PATJ: variants seen among roughly 807,000 people sequenced by gnomAD.
PATJ encodes inaD-like protein.
Under a neutral mutation model 224.9 loss-of-function variants are expected in PATJ, and 190 were observed. That is an observed-to-expected ratio of 0.84 (90% CI 0.75 to 0.95). PATJ has a LOEUF of 0.95. Ranked by LOEUF, PATJ falls within the 40% of genes least tolerant of loss-of-function variation. PATJ has a pLI of 0.00. For synonymous variants in PATJ, 769 were observed against 820.3 expected (o/e 0.94, Z 1.07); for missense variants, 2,121 against 2,270.3 (o/e 0.93, Z 1.34).
chr1:61,950,404 T>A (rs898741749), intron 27 of PATJ, among the ~76,000 whole-genome samples: 1 of 152,184 alleles, frequency 6.6e-6, no homozygotes, highest in African/African-American at 2.4e-5. Flanking sequence ...TCTCATTTGA[T>A]GTTCAGGGCC....
At position 61,962,772 on chromosome 1, in the gene PATJ, G is replaced by C. The variant is rs116795512; in HGVS notation, c.3671-27396G>C. On this transcript the variant is annotated intron_variant, in intron 27 of 43. Transcript: ENST00000642238. Reference sequence around the variant, plus strand: ...GACCTGGAAGTGGACATTGCACAGCGTCTGAGACCTGGGCTTCTTTCATAT... The same window carrying C: ...GACCTGGAAGTGGACATTGCACAGCCTCTGAGACCTGGGCTTCTTTCATAT... Among the ~76,000 whole-genome samples the C allele has an allele frequency of 5.3e-3, 814 of 152,294 alleles. 5 individuals carry two copies. Among genetic ancestry groups the C allele is most frequent in the Middle Eastern group, 0.027 (8 of 294 alleles).
rs529654888 is a variant in PATJ at position 61,948,505 on chromosome 1, C to A, written c.3670+20676C>A. 1.2e-4 allele frequency among the ~76,000 whole-genome samples: 19 copies of A among 152,174 alleles called. 1 individual carries two copies. The South Asian group carries it at 3.7e-3, about 30-fold the overall frequency. On this transcript the variant is annotated intron_variant, in intron 27 of 43. Transcript: ENST00000642238. ...CCATCAGAGAAATGCAAATCAAAAC[C>A]ACAATGAGACACCATCTCACACCAG...
intron 33 of PATJ, among the ~76,000 whole-genome samples, chr1:62,107,690 A>AATCCT: frequency 6.6e-6 from 1 of 152,158 alleles, no homozygotes; most frequent in South Asian, 2.1e-4. Context: ...GTATTACTTG[A>AATCCT]ATCCTATACG....
intron 27 of PATJ, among the ~76,000 whole-genome samples, chr1:61,956,454 C>T (rs1205226783): frequency 6.6e-6 from 1 of 152,106 alleles, no homozygotes; most frequent in Non-Finnish European, 1.5e-5. Flanking sequence ...TTACAAAAGC[C>T]AGTGCAGGTA....
intron 27 of PATJ, among the ~76,000 whole-genome samples, chr1:61,959,501 C>T (rs1318860476): frequency 6.9e-6 from 1 of 144,308 alleles, no homozygotes; most frequent in Non-Finnish European, 1.5e-5. Context: ...GTGGCACAAT[C>T]ATGGCTCACT....
Position 61,861,284 on chromosome 1 carries a change from C to CTTTTTTTTT in PATJ, c.2323-252_2323-244dup. On this transcript the variant is annotated intron_variant, in intron 18 of 43. Coordinates refer to ENST00000642238, the MANE Select transcript of PATJ (RefSeq NM_001350145.3). ...TGAAACCAGGATATTTTCTTTCTTT[C>CTTTTTTTTT]TTTTTTTTTTTTTTTTTTTTTTTAC... Among the ~76,000 whole-genome samples the CTTTTTTTTT allele has an allele frequency of 6.3e-3, 310 of 48,822 alleles. 7 individuals are homozygous for CTTTTTTTTT. Among genetic ancestry groups the CTTTTTTTTT allele is most frequent in the African/African-American group, 8.8e-3 (143 of 16,270 alleles). The allele number at this position is 48,822 out of a possible 152,430, so 32.0% of individuals were successfully genotyped here.
chr1:61,838,186 C>T (rs532706291), intron 17 of PATJ, among the ~76,000 whole-genome samples: 94 of 152,188 alleles, frequency 6.2e-4, no homozygotes, highest in Non-Finnish European at 1.2e-3. Flanking sequence ...TTGTTAGTCT[C>T]AAATACGCCT....
At chr1:61,966,116 G>A (rs539629402) in intron 27 of PATJ, among the ~76,000 whole-genome samples, 23 of 152,206 alleles carry the variant, frequency 1.5e-4, no homozygotes, top group Non-Finnish European at 2.9e-4. Context: ...TGGCCAGGCT[G>A]TTCTCGAACT....
intron 27 of PATJ, among the ~76,000 whole-genome samples, chr1:61,980,068 T>C (rs901551208): frequency 2.6e-5 from 4 of 151,986 alleles, no homozygotes; most frequent in Non-Finnish European, 5.9e-5. Flanking sequence ...GCCTCTGCTG[T>C]TTTCTCAAAT....
At chr1:61,964,895 T>C (rs1348747131) in intron 27 of PATJ, among the ~76,000 whole-genome samples, 18 of 151,550 alleles carry the variant, frequency 1.2e-4, no homozygotes, top group Non-Finnish European at 4.4e-5. Context: ...GCAGAACACA[T>C]GGGGTCAGGA....
At chr1:61,861,139 G>A (rs1664467598) in intron 18 of PATJ, among the ~76,000 whole-genome samples, 1 of 151,316 alleles carries the variant, frequency 6.6e-6, no homozygotes, top group Non-Finnish European at 1.5e-5. Flanking sequence ...AGTTTGGGAA[G>A]CTCTGACCTG....
At chr1:62,019,631 A>G (rs1045749770) in intron 29 of PATJ, among the ~76,000 whole-genome samples, 1 of 151,418 alleles carries the variant, frequency 6.6e-6, no homozygotes, top group Non-Finnish European at 1.5e-5. Flanking sequence ...TCCTTCACCT[A>G]TGTCTTTGTA....
intron 31 of PATJ, chr1:62,054,431 C>G (rs1654197510): frequency 3.1e-6 from 1 of 318,198 alleles, no homozygotes; most frequent in Non-Finnish European, 6.5e-6. Context: ...GTGCTATTTT[C>G]AGTATATTCA....
chr1:62,155,404 C>A (rs1305768794), intron 43 of PATJ, among the ~76,000 whole-genome samples: 1 of 152,062 alleles, frequency 6.6e-6, no homozygotes, highest in East Asian at 1.9e-4. Context: ...CAGCTGGGAG[C>A]CAGACACCCT....
chr1:61,960,276 A>G (rs1681080580), intron 27 of PATJ, among the ~76,000 whole-genome samples: 1 of 152,232 alleles, frequency 6.6e-6, no homozygotes, highest in African/African-American at 2.4e-5. Flanking sequence ...GGACTAAGTG[A>G]CATAATACAT....
At chr1:61,988,874 G>C (rs1460627588) in intron 27 of PATJ, among the ~76,000 whole-genome samples, 2 of 152,172 alleles carry the variant, frequency 1.3e-5, no homozygotes, top group African/African-American at 2.4e-5. Context: ...AATTTGCAAG[G>C]TTCCCTCCTA....
At chr1:61,890,377 G>A (rs973665392) in intron 22 of PATJ, among the ~76,000 whole-genome samples, 20 of 152,144 alleles carry the variant, frequency 1.3e-4, no homozygotes, top group African/African-American at 4.3e-4. Context: ...TATTCTGGGG[G>A]CCTAGGAGGG....
At position 61,856,021 on chromosome 1, in the gene PATJ, G is replaced by A. The variant is rs369862964; in HGVS notation, c.2113-9G>A. 7 of 1,609,580 alleles carry A rather than the reference G, an allele frequency of 4.3e-6. No homozygotes were observed. The South Asian group carries it at 4.4e-5, about 10-fold the overall frequency. On this transcript the variant is annotated splice_polypyrimidine_tract_variant and intron_variant, in intron 17 of 43. Transcript: ENST00000642238. ...ATGGACTCATCCTTCTTCTTTGCTC[G>A]ATTCACAGGACCCTTTAGATCCTAC...
intron 27 of PATJ, among the ~76,000 whole-genome samples, chr1:61,963,277 A>G (rs1340519166): frequency 1.3e-5 from 2 of 152,170 alleles, no homozygotes; most frequent in Non-Finnish European, 2.9e-5. Flanking sequence ...TCTTACAATA[A>G]AGTAAGCTAG....
Sources: gnomAD v4.1 joint callset for allele counts (sites outside exome capture counted in the v4.1 genomes callset) on GRCh38, gnomAD v4.1.1 for gene constraint, MANE v1.5 for transcripts, NCBI Gene and HGNC (gene_info 2026-07-23, HGNC 2026-07-21) for gene names.